Variants in TNFRSF10B observed in about 807,000 individuals in gnomAD.
TNFRSF10B encodes the protein tumor necrosis factor receptor superfamily member 10B.
Under a neutral mutation model 41.4 loss-of-function variants are expected in TNFRSF10B, and 35 were observed. The observed-to-expected ratio is 0.85, with a 90% CI of 0.65 to 1.12. TNFRSF10B has a LOEUF of 1.12. TNFRSF10B is among the 50% of genes most tolerant of loss of function. The pLI, the probability that TNFRSF10B is intolerant of heterozygous loss-of-function variation, is 0.00. For missense variants in TNFRSF10B, 584 were observed against 552.7 expected, an observed-to-expected ratio of 1.06 and a Z score of -0.57; for synonymous variants, 230 against 215.5, an observed-to-expected ratio of 1.07 and a Z score of -0.59.
intron 7 of TNFRSF10B, among the ~76,000 whole-genome samples, chr8:23,024,793 A>G (rs944307041): frequency 4.6e-5 from 7 of 152,116 alleles, no homozygotes; most frequent in South Asian, 2.1e-4. Context: ...TCGGCCTCCC[A>G]AAGTGCTGGG....
intron 1 of TNFRSF10B, among the ~76,000 whole-genome samples, chr8:23,065,050 T>C (rs993484272): frequency 4.6e-5 from 7 of 152,140 alleles, no homozygotes; most frequent in African/African-American, 1.4e-4. Context: ...GAGGTGACAG[T>C]GGTGGGACCT....
At chr8:23,042,611 G>A (rs184557153) in intron 2 of TNFRSF10B, among the ~76,000 whole-genome samples, 8 of 152,170 alleles carry the variant, frequency 5.3e-5, no homozygotes, top group Admixed American at 2.0e-4. Context: ...ATGTACATCC[G>A]ATGCTGGTGG....
chr8:23,040,845 T>C (rs1419482726), intron 2 of TNFRSF10B, among the ~76,000 whole-genome samples: 2 of 152,134 alleles, frequency 1.3e-5, no homozygotes, highest in Non-Finnish European at 2.9e-5. Flanking sequence ...TACTTAATAA[T>C]GTAAGTATCA....
chr8:23,068,691 C>G (rs1813075312), intron 1 of TNFRSF10B, 60 bp downstream of exon 1: 2 of 1,540,040 alleles, frequency 1.3e-6, no homozygotes, highest in Non-Finnish European at 1.7e-6. Flanking sequence ...CCCTCTCTCC[C>G]TGCCCTCTCC....
intron 7 of TNFRSF10B, among the ~76,000 whole-genome samples, chr8:23,024,987 TAAAATAAA>T (rs1811660094): frequency 1.6e-5 from 2 of 128,640 alleles, no homozygotes; most frequent in South Asian, 6.2e-4. Context: ...AAAAATAAAA[TAAAATAAA>T]ATAAAATAAG....
At chr8:23,061,340 A>G (rs1039972556) in intron 1 of TNFRSF10B, among the ~76,000 whole-genome samples, 9 of 152,190 alleles carry the variant, frequency 5.9e-5, no homozygotes, top group African/African-American at 1.2e-4. Context: ...TTGGTTTGAA[A>G]TCTCCCAGAT....
At position 23,047,582 on chromosome 8, in the gene TNFRSF10B, C is replaced by T. The variant is rs117508622; in HGVS notation, c.145-4339G>A. Among the ~76,000 whole-genome samples, 513 of 150,394 alleles carry T rather than the reference C, an allele frequency of 3.4e-3. 1 individual carries two copies. Among genetic ancestry groups the T allele is most frequent in the Non-Finnish European group, 6.1e-3 (414 of 67,650 alleles). On this transcript the variant is annotated intron_variant, in intron 1 of 8. Coordinates refer to ENST00000276431, the MANE Select transcript of TNFRSF10B (RefSeq NM_003842.5). ...TCTCAGTAGAAGACACACAAATGGT[C>T]AACAGATATTTGAAAAAAAAAAACT...
chr8:23,035,580 CA>C (rs1000757790), intron 2 of TNFRSF10B, among the ~76,000 whole-genome samples: 4 of 152,160 alleles, frequency 2.6e-5, no homozygotes, highest in Admixed American at 2.6e-4. Flanking sequence ...ATTTGCATGT[CA>C]GGGGGTGGGA....
intron 2 of TNFRSF10B, among the ~76,000 whole-genome samples, chr8:23,031,975 C>T (rs1185449161): frequency 4.7e-5 from 7 of 148,968 alleles, no homozygotes; most frequent in South Asian, 2.1e-4. Flanking sequence ...GCAGCGATCT[C>T]GGCTCACTGC....
At chr8:23,061,119 T>TA (rs1231287702) in intron 1 of TNFRSF10B, among the ~76,000 whole-genome samples, 5 of 152,128 alleles carry the variant, frequency 3.3e-5, no homozygotes, top group East Asian at 1.9e-4. Context: ...GCTATAATCA[T>TA]AAAAAATCCC....
chr8:23,044,196 T>G (rs1244497388), intron 1 of TNFRSF10B, among the ~76,000 whole-genome samples: 1 of 152,106 alleles, frequency 6.6e-6, no homozygotes, highest in Non-Finnish European at 1.5e-5. Context: ...AAATCTAACA[T>G]AAAAGTGAAA....
chr8:23,056,176 C>T (rs1413822497), intron 1 of TNFRSF10B, among the ~76,000 whole-genome samples: 1 of 151,952 alleles, frequency 6.6e-6, no homozygotes, highest in Non-Finnish European at 1.5e-5. Flanking sequence ...TCCAAAAGAA[C>T]TGAAAGCAGA....
rs188963371 is a variant in TNFRSF10B, at chr8:23,056,259, G to C, written c.144+12492C>G. Among the ~76,000 whole-genome samples, 357 of 152,196 alleles carry C rather than the reference G, an allele frequency of 2.3e-3. 5 individuals are homozygous for C. The South Asian group carries it at 0.024, about 10-fold the overall frequency. On this transcript the variant is annotated intron_variant, in intron 1 of 8. Coordinates refer to ENST00000276431, the MANE Select transcript of TNFRSF10B (RefSeq NM_003842.5). ...TCATCAGCTTTAAAACTATAAATAC[G>C]ATATTACCTTAATGCCCAACTTTGT...
intron 2 of TNFRSF10B, among the ~76,000 whole-genome samples, chr8:23,039,138 G>T (rs1044201467): frequency 6.6e-6 from 1 of 151,856 alleles, no homozygotes; most frequent in African/African-American, 2.4e-5. Context: ...CAAATGTGGA[G>T]TTCACAATAG....
chr8:23,053,842 T>C (rs1441336759), intron 1 of TNFRSF10B, among the ~76,000 whole-genome samples: 2 of 152,236 alleles, frequency 1.3e-5, no homozygotes, highest in Non-Finnish European at 2.9e-5. Context: ...GAAATGGTGT[T>C]TGGCTTTCTT....
chr8:23,030,792 G>T lies in TNFRSF10B; in HGVS notation c.331C>A (p.Leu111Ile). The T allele has an allele frequency of 6.2e-7, 1 of 1,613,276 alleles. No homozygotes were observed. The highest frequency in any genetic ancestry group is 8.5e-7 in the Non-Finnish European group (1 of 1,179,624). Residue 111 changes from leucine (L) to isoleucine (I), a missense_variant, in exon 3 of 9, where the codon CTT becomes ATT. Physicochemically the swap from Leu to Ile is conservative, Grantham distance 5. Transcript: ENST00000276431. ...CACCTGGTGCAGCGCAAGCAGAAAA[G>T]GAGGTCATTCCAGTGAGTGCTATAG... Reference protein sequence around the residue: ...QDYSTHWNDLLFCLRCTRCDS... With the variant: ...QDYSTHWNDLIFCLRCTRCDS...
chr8:23,056,650 C>CA (rs36035737), intron 1 of TNFRSF10B, among the ~76,000 whole-genome samples: 38,332 of 122,404 alleles, frequency 0.31, 5,330 homozygotes, highest in African/African-American at 0.34. Flanking sequence ...GACTCCATCT[C>CA]AAAAAAAAAA....
chr8:23,067,753 G>A (rs1813035221), intron 1 of TNFRSF10B, among the ~76,000 whole-genome samples: 1 of 152,200 alleles, frequency 6.6e-6, no homozygotes, highest in Non-Finnish European at 1.5e-5. Flanking sequence ...GCTTCACACT[G>A]ACATTCTTCT....
At position 23,022,714 on chromosome 8, in the gene TNFRSF10B, T is replaced by C; in HGVS notation, c.1280A>G (p.Lys427Arg). 1.2e-6 allele frequency: 2 copies of C among 1,614,028 alleles called. No homozygotes were observed. Among genetic ancestry groups the C allele is most frequent in the Non-Finnish European group, 1.7e-6 (2 of 1,179,998 alleles). Residue 427 changes from lysine to arginine, a missense_variant, in exon 9 of 9, where the codon AAG (lysine) becomes AGG (arginine). Coordinates refer to ENST00000276431, the MANE Select transcript of TNFRSF10B (RefSeq NM_003842.5). ...TGCATTACCTTCTAGATACATGAAC[T>C]TTCCAGAGCTCAACAAGTGGTCCTC... is the stretch of plus-strand genomic sequence containing the variant. ...KIEDHLLSSG[K>R]FMYLEGNADS...
Sources: gnomAD v4.1 joint callset for allele counts (sites outside exome capture counted in the v4.1 genomes callset) on GRCh38, gnomAD v4.1.1 for gene constraint, MANE v1.5 for transcripts, NCBI Gene and HGNC (gene_info 2026-07-23, HGNC 2026-07-21) for gene names.